ST6GALNAC3: variants seen among roughly 807,000 people sequenced by gnomAD.
ST6GALNAC3 encodes the protein alpha-N-acetylgalactosaminide alpha-2,6-sialyltransferase 3.
In ST6GALNAC3, 25 loss-of-function variants were observed where a neutral mutation model predicts 32.7. The ratio of observed to expected loss-of-function variants is 0.76; its 90% CI spans 0.56 to 1.07. The LOEUF is 1.07. Among genes scored for constraint, ST6GALNAC3 ranks in the 50% least tolerant of loss-of-function variants. The probability of loss-of-function intolerance (pLI) is 0.00; values close to 1 mark genes in which losing one functional copy is unlikely to be tolerated. For synonymous variants in ST6GALNAC3, 129 were observed against 133.1 expected, an observed-to-expected ratio of 0.97 and a Z score of 0.21; for missense variants, 355 against 382.4, an observed-to-expected ratio of 0.93 and a Z score of 0.60.
chr1:76,510,103 T>C (rs948560520), intron 3 of ST6GALNAC3, among the ~76,000 whole-genome samples: 1 of 152,178 alleles, frequency 6.6e-6, no homozygotes, highest in Admixed American at 6.5e-5. Flanking sequence ...TAAAACATAG[T>C]GGTTCTGCCC....
intron 3 of ST6GALNAC3, among the ~76,000 whole-genome samples, chr1:76,460,842 C>T (rs1658231239): frequency 6.6e-6 from 1 of 152,054 alleles, no homozygotes; most frequent in Non-Finnish European, 1.5e-5. Context: ...AACATTTAGC[C>T]TTATAACATG....
chr1:76,122,551 C>T (rs1365949381), intron 1 of ST6GALNAC3, among the ~76,000 whole-genome samples: 3 of 152,188 alleles, frequency 2.0e-5, no homozygotes, highest in African/African-American at 7.2e-5. Flanking sequence ...TTGAAAGCCT[C>T]CTTCACTGGC....
At chr1:76,556,627 A>C (rs1664943124) in intron 3 of ST6GALNAC3, among the ~76,000 whole-genome samples, 1 of 152,110 alleles carries the variant, frequency 6.6e-6, no homozygotes, top group Admixed American at 6.6e-5. Flanking sequence ...GTTGGCTAAT[A>C]ATGTTGAGCA....
chr1:76,425,352 C>T (rs1655299514), intron 3 of ST6GALNAC3, among the ~76,000 whole-genome samples: 1 of 151,950 alleles, frequency 6.6e-6, no homozygotes, highest in South Asian at 2.1e-4. Context: ...AAAGAGAAAA[C>T]ATCCTGTTTA....
chr1:76,394,445 T>G (rs967457843), intron 2 of ST6GALNAC3, among the ~76,000 whole-genome samples: 2 of 152,216 alleles, frequency 1.3e-5, no homozygotes, highest in African/African-American at 4.8e-5. Flanking sequence ...TATGTCTTCA[T>G]TGTTTAATCC....
At chr1:76,247,692 A>T (rs1390084445) in intron 1 of ST6GALNAC3, among the ~76,000 whole-genome samples, 1 of 152,170 alleles carries the variant, frequency 6.6e-6, no homozygotes, top group African/African-American at 2.4e-5. Context: ...CAATGGTCCC[A>T]GGTTGACTCT....
At chr1:76,420,045 G>A (rs1247313687) in intron 3 of ST6GALNAC3, among the ~76,000 whole-genome samples, 4 of 151,378 alleles carry the variant, frequency 2.6e-5, no homozygotes, top group Non-Finnish European at 4.4e-5. Flanking sequence ...GGGGTGCTCC[G>A]AGCGGAGAGA....
At position 76,552,099 on chromosome 1, in the gene ST6GALNAC3, A is replaced by T. The variant is rs185215567; in HGVS notation, c.624-75353A>T. ...GTGTAGCGGAGGCTGGGCTCTAAAA[A>T]TGGCACCTTGCTGTAGCTAGTTAGG... On this transcript the variant is annotated intron_variant, in intron 3 of 4. Coordinates refer to ENST00000328299, the MANE Select transcript of ST6GALNAC3 (RefSeq NM_152996.4). 3.3e-5 allele frequency among the ~76,000 whole-genome samples: 5 copies of T among 152,272 alleles called. No individual in the cohort carries two copies. The East Asian group carries it at 9.7e-4, about 29-fold the overall frequency.
intron 3 of ST6GALNAC3, among the ~76,000 whole-genome samples, chr1:76,494,775 A>ATC (rs1660751466): frequency 6.6e-6 from 1 of 150,950 alleles, no homozygotes; most frequent in African/African-American, 2.5e-5. Context: ...ACACATATAT[A>ATC]TGTAGGAAGA....
intron 3 of ST6GALNAC3, among the ~76,000 whole-genome samples, chr1:76,590,818 A>G (rs1194360243): frequency 7.9e-5 from 12 of 152,086 alleles, no homozygotes; most frequent in Admixed American, 7.9e-4. Flanking sequence ...ACTTGTGTCC[A>G]TTTTCTCTGG....
intron 3 of ST6GALNAC3, among the ~76,000 whole-genome samples, chr1:76,513,662 T>G (rs12138578): frequency 0.1 from 15,750 of 152,124 alleles, 1,011 homozygotes; most frequent in East Asian, 0.22. Context: ...TTCTATTTCT[T>G]TATTTTGATA....
intron 1 of ST6GALNAC3, among the ~76,000 whole-genome samples, chr1:76,277,586 A>ATG (rs1460349961): frequency 2.2e-4 from 7 of 31,912 alleles, no homozygotes; most frequent in African/African-American, 5.3e-4. Context: ...ACATATGTTT[A>ATG]TGTGTATATA....
At chr1:76,115,448 C>T (rs1375863877) in intron 1 of ST6GALNAC3, among the ~76,000 whole-genome samples, 1 of 152,186 alleles carries the variant, frequency 6.6e-6, no homozygotes, top group Non-Finnish European at 1.5e-5. Flanking sequence ...AGTATTAAAA[C>T]CACAGAAGGA....
intron 3 of ST6GALNAC3, among the ~76,000 whole-genome samples, chr1:76,531,118 G>A (rs1201611745): frequency 6.6e-6 from 1 of 152,182 alleles, no homozygotes; most frequent in Non-Finnish European, 1.5e-5. Context: ...CTGTTACCCA[G>A]CAAGGGGTGA....
intron 1 of ST6GALNAC3, among the ~76,000 whole-genome samples, chr1:76,258,472 T>A (rs1290459590): frequency 1.3e-5 from 2 of 152,164 alleles, no homozygotes; most frequent in Admixed American, 6.6e-5. Flanking sequence ...AGATGATAAT[T>A]CCAGAGCCAT....
At chr1:76,303,044 A>G (rs1050085658) in intron 1 of ST6GALNAC3, among the ~76,000 whole-genome samples, 4 of 100,934 alleles carry the variant, frequency 4.0e-5, no homozygotes, top group African/African-American at 1.1e-4. Context: ...GTCTGCAACC[A>G]GTCCGATTGG....
chr1:76,410,384 A>G (rs1179623030), intron 2 of ST6GALNAC3, among the ~76,000 whole-genome samples: 2 of 151,826 alleles, frequency 1.3e-5, no homozygotes, highest in African/African-American at 4.8e-5. Flanking sequence ...CTCAAAGATT[A>G]TTTTCTCAGC....
chr1:76,447,597 A>T (rs1220637431), intron 3 of ST6GALNAC3, among the ~76,000 whole-genome samples: 1 of 151,950 alleles, frequency 6.6e-6, no homozygotes, highest in African/African-American at 2.4e-5. Flanking sequence ...GGAGGAGGAG[A>T]TGGTTTCGTG....
intron 1 of ST6GALNAC3, among the ~76,000 whole-genome samples, chr1:76,121,686 A>G (rs1276978097): frequency 6.6e-6 from 1 of 152,170 alleles, no homozygotes; most frequent in Non-Finnish European, 1.5e-5. Context: ...ACTGTACTCC[A>G]GCCTGGGCAA....
Sources: gnomAD v4.1 joint callset for allele counts (sites outside exome capture counted in the v4.1 genomes callset) on GRCh38, gnomAD v4.1.1 for gene constraint, MANE v1.5 for transcripts, NCBI Gene and HGNC (gene_info 2026-07-23, HGNC 2026-07-21) for gene names.